The following SLC25A25 variants were observed in gnomAD, a reference collection of about 807,000 sequenced individuals.
SLC25A25 encodes mitochondrial adenyl nucleotide antiporter SLC25A25.
Under a neutral mutation model 57.7 loss-of-function variants are expected in SLC25A25, and 32 were observed. The observed-to-expected ratio is 0.55, with a 90% confidence interval of 0.42 to 0.74. The LOEUF is 0.74. Ranked by LOEUF, SLC25A25 falls within the 30% of genes least tolerant of loss-of-function variation. The probability of loss-of-function intolerance (pLI) is 0.00; values close to 1 mark genes in which losing one functional copy is unlikely to be tolerated. For missense variants in SLC25A25, 556 were observed against 701.3 expected (o/e 0.79, Z 2.34); for synonymous variants, 306 against 291.2 (o/e 1.05, Z -0.52).
intron 1 of SLC25A25, 118 bp downstream of exon 1, chr9:128,068,698 C>A: frequency 8.8e-7 from 1 of 1,137,446 alleles, no homozygotes; most frequent in Non-Finnish European, 1.1e-6. Flanking sequence ...AGGAAGGGTG[C>A]CCCCTGACTC....
intron 1 of SLC25A25, among the ~76,000 whole-genome samples, chr9:128,081,336 T>C (rs1273671047): frequency 6.6e-6 from 1 of 152,242 alleles, no homozygotes; most frequent in South Asian, 2.1e-4. Context: ...AATCCTGAGA[T>C]CTGTTTTCAG....
At chr9:128,086,573 T>C (rs752195960) in intron 1 of SLC25A25, among the ~76,000 whole-genome samples, 1 of 152,138 alleles carries the variant, frequency 6.6e-6, no homozygotes, top group Non-Finnish European at 1.5e-5. Flanking sequence ...CCTCATGTGA[T>C]CCACCCGCCT....
In SLC25A25 at chr9:128,102,244, G is replaced by A. The variant is rs929895503; in HGVS notation, c.513-126G>A. 4.2e-6 allele frequency: 6 copies of A among 1,412,216 alleles called. No homozygotes were observed. Among genetic ancestry groups the A allele is most frequent in the East Asian group, 2.5e-5 (1 of 40,190 alleles). The allele number at this position is 1,412,216 out of a possible 1,614,324, so 87.5% of individuals were successfully genotyped here. On this transcript the variant is annotated intron_variant, in intron 4 of 10. Coordinates refer to ENST00000373069, the MANE Select transcript of SLC25A25 (RefSeq NM_001330988.2). This position sits in a 1 kb window ranked among gnomAD's most constrained non-coding sequence, Gnocchi z 4.1. ...GTGGAGCCCCCTGCTCTTTCTCCTG[G>A]GGGCAGAGGCACCTCGTGTGGTTTC...
At position 128,098,852 on chromosome 9, in the gene SLC25A25, C is replaced by T. The variant is rs928877895; in HGVS notation, c.262-2244C>T. The T allele has an allele frequency of 2.5e-5, 37 of 1,505,472 alleles. No homozygotes were observed. In the African/African-American group the frequency reaches 4.7e-4, roughly 19 times the overall value. The allele number at this position is 1,505,472 out of a possible 1,614,324, so 93.3% of individuals were successfully genotyped here. On this transcript the variant is annotated intron_variant, in intron 1 of 10. Transcript: ENST00000373069. ...TGTCTGAAATGTAGCAGTTTTTTCC[C>T]ATTGCCATGCGGCTATGGCCGGCAC...
intron 1 of SLC25A25, among the ~76,000 whole-genome samples, chr9:128,071,979 C>G (rs1195151374): frequency 6.6e-6 from 1 of 152,190 alleles, no homozygotes; most frequent in African/African-American, 2.4e-5. Flanking sequence ...TCCCAAAGTT[C>G]AGGGATTACA....
intron 1 of SLC25A25, among the ~76,000 whole-genome samples, chr9:128,094,016 T>C (rs1833488760): frequency 6.6e-6 from 1 of 152,080 alleles, no homozygotes; most frequent in Non-Finnish European, 1.5e-5. Context: ...GGCGTGGTGG[T>C]GCGTGCCTGT....
chr9:128,084,011 A>G (rs1588758642), intron 1 of SLC25A25, among the ~76,000 whole-genome samples: 1 of 152,106 alleles, frequency 6.6e-6, no homozygotes. Context: ...TTATCAGGGT[A>G]ATTTGGAATA....
intron 1 of SLC25A25, among the ~76,000 whole-genome samples, chr9:128,085,108 T>C (rs181519069): frequency 6.6e-6 from 1 of 152,272 alleles, no homozygotes; most frequent in Admixed American, 6.5e-5. Flanking sequence ...GGTGGGAGGA[T>C]CACTTGAGGT....
At chr9:128,104,862 AT>A (rs1833951617) in intron 6 of SLC25A25, among the ~76,000 whole-genome samples, 1 of 126,396 alleles carries the variant, frequency 7.9e-6, no homozygotes, top group African/African-American at 2.8e-5. Context: ...TATTATTATT[AT>A]TATTATATTT....
chr9:128,100,532 G>A (rs1009094687), intron 1 of SLC25A25, among the ~76,000 whole-genome samples: 14 of 152,196 alleles, frequency 9.2e-5, no homozygotes, highest in Admixed American at 3.9e-4. Flanking sequence ...CCCCGGCCTC[G>A]GGTGCTGTGG....
chr9:128,082,460 G>C (rs918679974), intron 1 of SLC25A25, among the ~76,000 whole-genome samples: 1 of 152,044 alleles, frequency 6.6e-6, no homozygotes, highest in African/African-American at 2.4e-5. Flanking sequence ...GAGTTTTTCC[G>C]TTGGCTGATT....
In SLC25A25 at chr9:128,102,582, C is replaced by T. The variant is rs1460796699; in HGVS notation, c.624+101C>T. On this transcript the variant is annotated intron_variant, in intron 5 of 10. Transcript: ENST00000373069. The surrounding 1 kb of genome is among the most constrained non-coding windows in gnomAD (Gnocchi z 4.1). ...CAGAGTGCAGCTGGGGCTTTCCAGC[C>T]ACCTCCTCTTCCACAGGAGACTGTC... The T allele has an allele frequency of 5.8e-6, 5 of 857,126 alleles. No individual in the cohort carries two copies. Among genetic ancestry groups the T allele is most frequent in the Non-Finnish European group, 5.5e-6 (3 of 547,390 alleles). The allele number at this position is 857,126 out of a possible 1,614,324, so 53.1% of individuals were successfully genotyped here. A position where few individuals can be genotyped will look rare whatever the true frequency, so the allele number is the denominator to read the frequency against.
chr9:128,099,199 G>A lies in SLC25A25; in HGVS notation c.262-1897G>A. On this transcript the variant is annotated intron_variant, in intron 1 of 10. Coordinates refer to ENST00000373069, the MANE Select transcript of SLC25A25 (RefSeq NM_001330988.2). This position sits in a 1 kb window ranked among gnomAD's most constrained non-coding sequence, Gnocchi z 6.8. ...GGGCCTGTGTCTGCCCTGAAAGTGA[G>A]GAAGCCGAGCTGCAGAGTCCGGAGG... 7.9e-7 allele frequency: 1 copy of A among 1,271,514 alleles called. No individual in the cohort carries two copies. The highest frequency in any genetic ancestry group is 1.0e-6 in the Non-Finnish European group (1 of 982,078). The allele number at this position is 1,271,514 out of a possible 1,614,324, so 78.8% of individuals were successfully genotyped here.
Position 128,106,505 on chromosome 9 carries a change from C to T in SLC25A25, c.1197C>T (p.Asp399=). 6.2e-7 allele frequency: 1 copy of T among 1,607,128 alleles called. No individual in the cohort carries two copies. Among genetic ancestry groups the T allele is most frequent in the Non-Finnish European group, 8.5e-7 (1 of 1,178,242 alleles). The part of the protein sequence containing the change: ...MLGIIPYAGI[D]LAVYETLKNA... ...GCATCATCCCCTATGCCGGCATCGA[C>T]CTTGCAGTCTACGAGGTGAGGCCCA... Residue 399 remains aspartate (D), a synonymous_variant, in exon 9 of 11, where the codon GAC becomes GAT. Transcript: ENST00000373069.
Position 128,102,567 on chromosome 9 carries a change from C to A in SLC25A25, c.624+86C>A. ...CAGTCGTCCCCATCCCAGAGTGCAG[C>A]TGGGGCTTTCCAGCCACCTCCTCTT... On this transcript the variant is annotated intron_variant, in intron 5 of 10. Coordinates refer to ENST00000373069, the MANE Select transcript of SLC25A25 (RefSeq NM_001330988.2). This position sits in a 1 kb window ranked among gnomAD's most constrained non-coding sequence, Gnocchi z 4.1. 9.3e-7 allele frequency: 1 copy of A among 1,078,660 alleles called. No homozygotes were observed. Among genetic ancestry groups the A allele is most frequent in the Non-Finnish European group, 1.4e-6 (1 of 740,048 alleles). The allele number at this position is 1,078,660 out of a possible 1,614,324, so 66.8% of individuals were successfully genotyped here.
At chr9:128,081,738 G>C (rs1264925214) in intron 1 of SLC25A25, among the ~76,000 whole-genome samples, 1 of 152,058 alleles carries the variant, frequency 6.6e-6, no homozygotes, top group Non-Finnish European at 1.5e-5. Flanking sequence ...AGACCAGTCT[G>C]GGCAACATAG....
Position 128,090,291 on chromosome 9 carries a change from C to T in SLC25A25, c.262-10805C>T, listed in dbSNP as rs189158155. Reference sequence around the variant, plus strand: ...GCAATGGTGCAATCTTGGCTCACTGCAACCTCCGCCTCCTGGGTTCAAGTG... The same window carrying T: ...GCAATGGTGCAATCTTGGCTCACTGTAACCTCCGCCTCCTGGGTTCAAGTG... On this transcript the variant is annotated intron_variant, in intron 1 of 10. Coordinates refer to ENST00000373069, the MANE Select transcript of SLC25A25 (RefSeq NM_001330988.2). 4.1e-3 allele frequency among the ~76,000 whole-genome samples: 618 copies of T among 152,230 alleles called. 1 individual carries two copies. Among genetic ancestry groups the T allele is most frequent in the Non-Finnish European group, 6.7e-3 (458 of 68,022 alleles).
chr9:128,098,807 C>T, intron 1 of SLC25A25: 1 of 1,550,442 alleles, frequency 6.4e-7, no homozygotes, highest in South Asian at 1.2e-5. Context: ...CATGAACCAT[C>T]CCCCACTGAG....
intron 1 of SLC25A25, among the ~76,000 whole-genome samples, chr9:128,070,383 C>G (rs1832878524): frequency 6.6e-6 from 1 of 151,600 alleles, no homozygotes; most frequent in Non-Finnish European, 1.5e-5. Flanking sequence ...CAGGCATGAG[C>G]CACCGCGCCC....
Sources: gnomAD v4.1 joint callset for allele counts (sites outside exome capture counted in the v4.1 genomes callset) on GRCh38, gnomAD v4.1.1 for gene constraint, Gnocchi (gnomAD v3.1) non-coding constraint, MANE v1.5 for transcripts, NCBI Gene and HGNC (gene_info 2026-07-23, HGNC 2026-07-21) for gene names.